SH3GL2: variants seen among roughly 807,000 people sequenced by gnomAD.
The protein encoded by SH3GL2 is SH3 domain containing GRB2 like 2, endophilin A1.
Under a neutral mutation model 46.0 loss-of-function variants are expected in SH3GL2, and 24 were observed. The observed-to-expected ratio is 0.52, with a 90% CI of 0.38 to 0.73. The LOEUF (loss-of-function observed/expected upper bound fraction) is 0.73. SH3GL2 is among the 30% of genes least tolerant of loss of function. The pLI is 0.00. For missense variants in SH3GL2, 413 were observed against 424.2 expected, an observed-to-expected ratio of 0.97 and a Z score of 0.23; for synonymous variants, 196 against 147.1, an observed-to-expected ratio of 1.33 and a Z score of -2.40.
At chr9:17,660,621 G>T (rs1820190808) in intron 1 of SH3GL2, among the ~76,000 whole-genome samples, 1 of 152,098 alleles carries the variant, frequency 6.6e-6, no homozygotes, top group African/African-American at 2.4e-5. Flanking sequence ...AGAAAGTTCT[G>T]TCTCAGTGGG....
intron 1 of SH3GL2, among the ~76,000 whole-genome samples, chr9:17,693,819 C>T (rs1388345181): frequency 1.3e-5 from 2 of 152,186 alleles, no homozygotes; most frequent in African/African-American, 2.4e-5. Flanking sequence ...TCAGGATAGA[C>T]ACTGAACATC....
intron 3 of SH3GL2, among the ~76,000 whole-genome samples, chr9:17,773,576 T>C (rs533733793): frequency 6.6e-6 from 1 of 152,246 alleles, no homozygotes; most frequent in East Asian, 1.9e-4. Context: ...TTATTTCTCG[T>C]GAGTGGTCTT....
chr9:17,668,917 G>C (rs375487659), intron 1 of SH3GL2, among the ~76,000 whole-genome samples: 2 of 152,128 alleles, frequency 1.3e-5, no homozygotes, highest in Non-Finnish European at 2.9e-5. Context: ...CTTGGCATCC[G>C]AGAGGGCTGG....
intron 1 of SH3GL2, among the ~76,000 whole-genome samples, chr9:17,733,002 C>A (rs1822224199): frequency 6.6e-6 from 1 of 152,054 alleles, no homozygotes. Context: ...CTTCACTCCC[C>A]ACGTCCTTGG....
intron 1 of SH3GL2, among the ~76,000 whole-genome samples, chr9:17,588,923 A>T (rs1818428729): frequency 1.3e-5 from 2 of 152,186 alleles, no homozygotes; most frequent in Admixed American, 1.3e-4. Context: ...ACCTAAGAGA[A>T]ATGGAAGAAG....
At chr9:17,602,702 C>T (rs1818692932) in intron 1 of SH3GL2, among the ~76,000 whole-genome samples, 1 of 152,274 alleles carries the variant, frequency 6.6e-6, no homozygotes, top group African/African-American at 2.4e-5. Context: ...TTTATTTCTC[C>T]ATTTTTGGGG....
chr9:17,653,924 C>G (rs1820010389), intron 1 of SH3GL2: 3 of 866,842 alleles, frequency 3.5e-6, no homozygotes, highest in Non-Finnish European at 4.2e-6. Context: ...AACATCACAT[C>G]TGTAACAAAA....
chr9:17,765,834 C>T (rs1405453828), intron 3 of SH3GL2, among the ~76,000 whole-genome samples: 1 of 152,176 alleles, frequency 6.6e-6, no homozygotes, highest in Non-Finnish European at 1.5e-5. Context: ...TCTTATTCAC[C>T]ACCACATCCC....
intron 1 of SH3GL2, among the ~76,000 whole-genome samples, chr9:17,597,249 C>G (rs1385880205): frequency 3.3e-5 from 5 of 152,202 alleles, no homozygotes. Flanking sequence ...TGTCCTGGCA[C>G]AGTGGCTCAC....
intron 1 of SH3GL2, among the ~76,000 whole-genome samples, chr9:17,626,428 T>C (rs980215016): frequency 1.3e-5 from 2 of 152,238 alleles, no homozygotes; most frequent in Non-Finnish European, 2.9e-5. Flanking sequence ...ATTAAGGTCC[T>C]AGTTGGACTG....
chr9:17,621,409 G>C (rs2134601961), intron 1 of SH3GL2, among the ~76,000 whole-genome samples: 1 of 152,302 alleles, frequency 6.6e-6, no homozygotes, highest in South Asian at 2.1e-4. Flanking sequence ...GAATTGTCCT[G>C]ATGATTTTTG....
At chr9:17,599,832 T>G (rs771795345) in intron 1 of SH3GL2, among the ~76,000 whole-genome samples, 39 of 152,210 alleles carry the variant, frequency 2.6e-4, no homozygotes, top group Non-Finnish European at 4.7e-4. Context: ...GTTTTCTTTT[T>G]CTTAAAATTT....
intron 3 of SH3GL2, among the ~76,000 whole-genome samples, chr9:17,768,656 T>G (rs930138986): frequency 6.6e-6 from 1 of 152,082 alleles, no homozygotes; most frequent in African/African-American, 2.4e-5. Flanking sequence ...ATCAGGAGTT[T>G]GTAGCGGCTG....
chr9:17,715,702 T>C (rs1168508454), intron 1 of SH3GL2, among the ~76,000 whole-genome samples: 2 of 151,936 alleles, frequency 1.3e-5, no homozygotes, highest in Non-Finnish European at 1.5e-5. Flanking sequence ...GTTCCTCAAC[T>C]CATAATGGGC....
At chr9:17,625,721 T>C (rs1819266327) in intron 1 of SH3GL2, among the ~76,000 whole-genome samples, 2 of 152,218 alleles carry the variant, frequency 1.3e-5, no homozygotes, top group Admixed American at 1.3e-4. Context: ...AAGTAAGCCC[T>C]GTGGAAGCAG....
At chr9:17,657,653 A>T in intron 1 of SH3GL2, among the ~76,000 whole-genome samples, 1 of 152,312 alleles carries the variant, frequency 6.6e-6, no homozygotes, top group African/African-American at 2.4e-5. Context: ...ATGTATACAA[A>T]TTAATCGTTA....
chr9:17,701,916 C>T (rs1393281401), intron 1 of SH3GL2, among the ~76,000 whole-genome samples: 4 of 151,700 alleles, frequency 2.6e-5, no homozygotes, highest in African/African-American at 9.7e-5. Flanking sequence ...GATACTTATA[C>T]AAAAGATAAT....
intron 1 of SH3GL2, among the ~76,000 whole-genome samples, chr9:17,650,139 A>G (rs776878107): frequency 6.6e-6 from 1 of 152,218 alleles, no homozygotes; most frequent in Non-Finnish European, 1.5e-5. Flanking sequence ...GATGTTATCT[A>G]CATTCAGATT....
chr9:17,667,477 A>G (rs58331488), intron 1 of SH3GL2, among the ~76,000 whole-genome samples: 3,825 of 152,268 alleles, frequency 0.025, 67 homozygotes, highest in African/African-American at 0.032. Context: ...TGTTTTCAAC[A>G]TATATGAATA....
Sources: gnomAD v4.1 joint callset for allele counts (sites outside exome capture counted in the v4.1 genomes callset) on GRCh38, gnomAD v4.1.1 for gene constraint, MANE v1.5 for transcripts, NCBI Gene and HGNC (gene_info 2026-07-23, HGNC 2026-07-21) for gene names.